The following ZNF407 variants were observed in gnomAD, a reference collection of about 807,000 sequenced individuals.
ZNF407 encodes the protein zinc finger protein 407.
ZNF407 carries 17 observed loss-of-function variants against 131.2 expected under a neutral mutation model. That is an observed-to-expected ratio of 0.13 (90% CI 0.09 to 0.19). The LOEUF is 0.19. ZNF407 is among the 10% of genes least tolerant of loss of function. The pLI, the probability that ZNF407 is intolerant of heterozygous loss-of-function variation, is 1.00. For missense variants in ZNF407, 2,681 were observed against 2,830.6 expected (o/e 0.95, Z 1.20); for synonymous variants, 1,156 against 1,062.0 (o/e 1.09, Z -1.72).
intron 3 of ZNF407, among the ~76,000 whole-genome samples, chr18:74,653,602 A>T (rs1044753574): frequency 6.6e-6 from 1 of 151,868 alleles, no homozygotes; most frequent in African/African-American, 2.4e-5. Context: ...AATATATTTA[A>T]CATGTATCGA....
In ZNF407 at chr18:75,064,573, A is replaced by T; in HGVS notation, c.*105A>T. ...ATCTGAAACCTTCAAAACCATGAGG[A>T]CAAGGCTCCCGTGAGCTCTGAGCAT... On this transcript the variant is annotated 3_prime_UTR_variant, in exon 9 of 9. Transcript: ENST00000299687. 1 of 1,107,312 alleles carries T rather than the reference A, an allele frequency of 9.0e-7. No homozygotes were observed. The highest frequency in any genetic ancestry group is 1.9e-5 in the South Asian group (1 of 53,326). The allele number at this position is 1,107,312 out of a possible 1,614,324, so 68.6% of individuals were successfully genotyped here. A position where few individuals can be genotyped will look rare whatever the true frequency, so the allele number is the denominator to read the frequency against.
chr18:74,633,686 A>G lies in ZNF407; in HGVS notation c.2667A>G (p.Val889=), dbSNP rs925698061. 1.2e-6 allele frequency: 2 copies of G among 1,614,000 alleles called. No homozygotes were observed. Among genetic ancestry groups the G allele is most frequent in the Middle Eastern group, 1.6e-4 (1 of 6,062 alleles). Residue 889 remains valine, a synonymous_variant, in exon 2 of 9, where the codon GTA becomes GTG. Coordinates refer to ENST00000299687, the MANE Select transcript of ZNF407 (RefSeq NM_017757.3). ...YLCKVCKYYT[V]TKGDMERHCA... ...GCAAAGTGTGTAAGTATTACACTGT[A>G]ACTAAGGGAGATATGGAACGTCATT...
intron 3 of ZNF407, among the ~76,000 whole-genome samples, chr18:74,752,537 G>A (rs1258763883): frequency 6.6e-6 from 1 of 152,134 alleles, no homozygotes; most frequent in African/African-American, 2.4e-5. Context: ...AATCCATCTT[G>A]AATTAATTTT....
intron 3 of ZNF407, among the ~76,000 whole-genome samples, chr18:74,748,845 C>G (rs1395967502): frequency 2.0e-5 from 3 of 152,148 alleles, no homozygotes; most frequent in East Asian, 1.9e-4. Flanking sequence ...GACTTCTGAA[C>G]TAGCTGACAG....
intron 2 of ZNF407, among the ~76,000 whole-genome samples, chr18:74,638,997 T>C (rs1984589727): frequency 6.6e-6 from 1 of 152,106 alleles, no homozygotes; most frequent in African/African-American, 2.4e-5. Flanking sequence ...GTTAACACAG[T>C]CTACTCTGAA....
At chr18:74,917,195 A>G (rs1382179676) in intron 7 of ZNF407, among the ~76,000 whole-genome samples, 3 of 152,122 alleles carry the variant, frequency 2.0e-5, no homozygotes, top group African/African-American at 7.2e-5. Flanking sequence ...TTAGATTTTT[A>G]TTACCCAAAG....
chr18:74,892,028 C>T (rs773123238), intron 7 of ZNF407, among the ~76,000 whole-genome samples: 138 of 152,088 alleles, frequency 9.1e-4, no homozygotes, highest in African/African-American at 3.1e-3. Flanking sequence ...TGATTTCAAA[C>T]AAGATTATGT....
At chr18:75,049,098 T>TTTTTG (rs1568311603) in intron 8 of ZNF407, among the ~76,000 whole-genome samples, 1 of 39,628 alleles carries the variant, frequency 2.5e-5, no homozygotes. Context: ...TTTTTTTTTT[T>TTTTTG]GGGTGGGGGG....
chr18:74,797,466 T>C (rs1351294295), intron 4 of ZNF407, among the ~76,000 whole-genome samples: 1 of 152,224 alleles, frequency 6.6e-6, no homozygotes, highest in Non-Finnish European at 1.5e-5. Context: ...GATGACAGGC[T>C]GTCGACAGAG....
intron 4 of ZNF407, among the ~76,000 whole-genome samples, chr18:74,806,512 G>A (rs1456832446): frequency 2.0e-5 from 3 of 152,200 alleles, no homozygotes; most frequent in Non-Finnish European, 4.4e-5. Flanking sequence ...GACTCTCAGA[G>A]CCTTAGTTTC....
chr18:74,849,408 C>A (rs1039441164), intron 4 of ZNF407, among the ~76,000 whole-genome samples: 17 of 151,914 alleles, frequency 1.1e-4, no homozygotes, highest in Non-Finnish European at 1.6e-4. Context: ...ACAGCTTTTT[C>A]ATCTCTTAAA....
At chr18:74,695,419 T>C (rs971102256) in intron 3 of ZNF407, among the ~76,000 whole-genome samples, 1 of 152,220 alleles carries the variant, frequency 6.6e-6, no homozygotes, top group Non-Finnish European at 1.5e-5. Flanking sequence ...AATAGCGTTC[T>C]GGTTAATGTG....
At chr18:74,718,148 C>A (rs550260481) in intron 3 of ZNF407, among the ~76,000 whole-genome samples, 1 of 151,858 alleles carries the variant, frequency 6.6e-6, no homozygotes, top group African/African-American at 2.4e-5. Flanking sequence ...AAACCATTGA[C>A]GAATACAGAT....
At chr18:74,836,660 C>T (rs780310352) in intron 4 of ZNF407, among the ~76,000 whole-genome samples, 4 of 152,164 alleles carry the variant, frequency 2.6e-5, no homozygotes, top group Non-Finnish European at 5.9e-5. Flanking sequence ...ATGGATAAAC[C>T]GTCTGAGTTA....
intron 8 of ZNF407, among the ~76,000 whole-genome samples, chr18:75,041,805 CT>C (rs1470658982): frequency 4.1e-4 from 63 of 152,332 alleles, no homozygotes; most frequent in African/African-American, 1.4e-3. Context: ...CAAGAGGTAG[CT>C]TGTCCTTAAA....
chr18:74,620,715 T>C (rs1983476459), intron 1 of ZNF407, among the ~76,000 whole-genome samples: 1 of 152,160 alleles, frequency 6.6e-6, no homozygotes, highest in South Asian at 2.1e-4. Context: ...TGCAGGAAAC[T>C]TTGGAGGTGG....
chr18:74,754,868 C>T (rs2144954424), intron 3 of ZNF407, among the ~76,000 whole-genome samples: 1 of 152,286 alleles, frequency 6.6e-6, no homozygotes, highest in South Asian at 2.1e-4. Context: ...ATTAGATCCG[C>T]TTGGTGCAGA....
intron 3 of ZNF407, among the ~76,000 whole-genome samples, chr18:74,723,911 C>A (rs1456499506): frequency 6.8e-6 from 1 of 146,414 alleles, no homozygotes; most frequent in Non-Finnish European, 1.5e-5. Context: ...AAAATTTGGT[C>A]CAGACTTTTT....
chr18:74,653,808 T>C (rs1406910848), intron 3 of ZNF407, among the ~76,000 whole-genome samples: 3 of 151,854 alleles, frequency 2.0e-5, no homozygotes, highest in African/African-American at 7.2e-5. Context: ...TATGATAACT[T>C]ATTGAAATGA....
Sources: gnomAD v4.1 joint callset for allele counts (sites outside exome capture counted in the v4.1 genomes callset) on GRCh38, gnomAD v4.1.1 for gene constraint, MANE v1.5 for transcripts, NCBI Gene and HGNC (gene_info 2026-07-23, HGNC 2026-07-21) for gene names.